STRBP: variants seen among roughly 807,000 people sequenced by gnomAD.
STRBP encodes spermatid perinuclear RNA-binding protein.
Under a neutral mutation model 80.1 loss-of-function variants are expected in STRBP, and 13 were observed. That is an observed-to-expected ratio of 0.16 (90% CI 0.11 to 0.26). STRBP has a LOEUF of 0.26. STRBP is among the 10% of genes least tolerant of loss of function. The probability of loss-of-function intolerance (pLI) is 1.00; values close to 1 mark genes in which losing one functional copy is unlikely to be tolerated. For missense variants in STRBP, 485 were observed against 815.2 expected, an observed-to-expected ratio of 0.59 and a Z score of 4.93; for synonymous variants, 284 against 291.2, an observed-to-expected ratio of 0.98 and a Z score of 0.25.
chr9:123,138,487 A>G (rs139279610), intron 14 of STRBP, among the ~76,000 whole-genome samples: 31 of 152,368 alleles, frequency 2.0e-4, no homozygotes, highest in Admixed American at 1.9e-3. Flanking sequence ...ACTCAAAGTC[A>G]TAACACCTCC....
chr9:123,193,567 C>T (rs1173478614), intron 2 of STRBP, among the ~76,000 whole-genome samples: 2 of 152,106 alleles, frequency 1.3e-5, no homozygotes, highest in Non-Finnish European at 2.9e-5. Context: ...TTTTAATAAC[C>T]GCAGAGATGA....
intron 13 of STRBP, 72 bp downstream of exon 13, chr9:123,146,783 A>G (rs2036832320): frequency 1.6e-6 from 2 of 1,282,440 alleles, no homozygotes; most frequent in South Asian, 1.7e-5. Flanking sequence ...ATGATAATTT[A>G]TTATAGGAAA....
chr9:123,166,880 G>T (rs976386297), intron 6 of STRBP, among the ~76,000 whole-genome samples: 1 of 152,190 alleles, frequency 6.6e-6, no homozygotes, highest in African/African-American at 2.4e-5. Flanking sequence ...TGGGGATATG[G>T]TTATTCTACA....
At chr9:123,226,335 C>A (rs1269338669) in intron 2 of STRBP, among the ~76,000 whole-genome samples, 2 of 151,412 alleles carry the variant, frequency 1.3e-5, no homozygotes, top group South Asian at 2.1e-4. Flanking sequence ...ACCGTATATT[C>A]AAAAAAAATG....
intron 3 of STRBP, 51 bp from the exon 4 acceptor site, chr9:123,179,278 GA>G: frequency 6.8e-7 from 1 of 1,475,546 alleles, no homozygotes. Flanking sequence ...AACATCACCT[GA>G]AAAAGATGAT....
At chr9:123,177,779 C>A (rs1038767126) in intron 4 of STRBP, among the ~76,000 whole-genome samples, 1 of 151,982 alleles carries the variant, frequency 6.6e-6, no homozygotes, top group African/African-American at 2.4e-5. Flanking sequence ...GTAAAAATAG[C>A]AAATCTTATG....
chr9:123,192,624 G>C (rs1019716993), intron 2 of STRBP, among the ~76,000 whole-genome samples: 1 of 152,112 alleles, frequency 6.6e-6, no homozygotes, highest in Non-Finnish European at 1.5e-5. Context: ...ATAGTGCATA[G>C]GAACAGGAAT....
rs112559238 is a variant in STRBP at position 123,140,075 on chromosome 9, G to T, written c.1339-388C>A. Among the ~76,000 whole-genome samples, 1,458 of 152,286 alleles carry T rather than the reference G, an allele frequency of 9.6e-3. 23 individuals are homozygous for T. Among genetic ancestry groups the T allele is most frequent in the African/African-American group, 0.033 (1,369 of 41,548 alleles). On this transcript the variant is annotated intron_variant, in intron 13 of 18. Coordinates refer to ENST00000348403, the MANE Select transcript of STRBP (RefSeq NM_018387.5). ...CTGGTCTAGAAAGGAAAAAATCTGAGAGTCTAATCCTGTATTTCTCCTCTG... is the reference window on the plus strand; with the variant it reads ...CTGGTCTAGAAAGGAAAAAATCTGATAGTCTAATCCTGTATTTCTCCTCTG...
chr9:123,136,283 G>A lies in STRBP; in HGVS notation c.1632+98C>T, dbSNP rs2036350367. On this transcript the variant is annotated intron_variant, in intron 15 of 18. Coordinates refer to ENST00000348403, the MANE Select transcript of STRBP (RefSeq NM_018387.5). This position sits in a 1 kb window ranked among gnomAD's most constrained non-coding sequence, Gnocchi z 4.2. ...CAGAAAACACCAAAAATCAAATAGT[G>A]CCACAAGAACTGACTCAGTCTAAAA... 6.3e-7 allele frequency: 1 copy of A among 1,594,498 alleles called. No homozygotes were observed. Among genetic ancestry groups the A allele is most frequent in the Non-Finnish European group, 8.5e-7 (1 of 1,170,780 alleles).
chr9:123,162,885 T>G (rs925360461), intron 6 of STRBP, among the ~76,000 whole-genome samples: 1 of 152,240 alleles, frequency 6.6e-6, no homozygotes, highest in African/African-American at 2.4e-5. Context: ...TAGCTCACTT[T>G]AATGTTTCTA....
At chr9:123,261,655 CA>C (rs1035771824) in intron 1 of STRBP, among the ~76,000 whole-genome samples, 5 of 152,222 alleles carry the variant, frequency 3.3e-5, no homozygotes, top group African/African-American at 9.6e-5. Flanking sequence ...AAAGCTTCAT[CA>C]CGATGTTTGC....
intron 14 of STRBP, among the ~76,000 whole-genome samples, chr9:123,138,598 A>C (rs1383208586): frequency 6.6e-6 from 1 of 152,204 alleles, no homozygotes; most frequent in Non-Finnish European, 1.5e-5. Context: ...ATGATTGTGT[A>C]AGTTATGTCT....
chr9:123,139,466 T>C, intron 14 of STRBP, 63 bp downstream of exon 14: 7 of 1,300,966 alleles, frequency 5.4e-6, no homozygotes, highest in Non-Finnish European at 7.2e-6. Flanking sequence ...CTTTTCCACA[T>C]CTCTCAAATT....
At position 123,139,716 on chromosome 9, in the gene STRBP, T is replaced by A. The variant is rs41278252; in HGVS notation, c.1339-29A>T. 8,331 of 1,599,950 alleles carry A rather than the reference T, an allele frequency of 5.2e-3. 271 individuals are homozygous for A. In the East Asian group the frequency reaches 0.089, roughly 17 times the overall value. ...TACAAATTACATTAAAATGCAGTTT[T>A]ATTCAGACACGAGAAACCAGAGAAT... On this transcript the variant is annotated intron_variant, in intron 13 of 18. Transcript: ENST00000348403.
At chr9:123,146,744 ATAT>A (rs2036831277) in intron 13 of STRBP, 108 bp downstream of exon 13, 2 of 948,064 alleles carry the variant, frequency 2.1e-6, no homozygotes, top group Middle Eastern at 3.6e-4. Flanking sequence ...TCTATATATA[ATAT>A]TATTGCTATT....
intron 2 of STRBP, among the ~76,000 whole-genome samples, chr9:123,215,655 C>T (rs1003150018): frequency 7.9e-5 from 12 of 151,962 alleles, no homozygotes; most frequent in Admixed American, 2.6e-4. Flanking sequence ...TGTGGTGATG[C>T]GTGCCTATAA....
At chr9:123,138,440 T>G (rs1302838908) in intron 14 of STRBP, among the ~76,000 whole-genome samples, 2 of 152,344 alleles carry the variant, frequency 1.3e-5, no homozygotes, top group Admixed American at 1.3e-4. Context: ...CTGTCCACAC[T>G]GGCCCACTTG....
chr9:123,194,096 G>A (rs1025270184), intron 2 of STRBP, among the ~76,000 whole-genome samples: 4 of 152,130 alleles, frequency 2.6e-5, no homozygotes, highest in African/African-American at 4.8e-5. Flanking sequence ...TAAAATGCAA[G>A]TAGGAGCCTC....
intron 1 of STRBP, among the ~76,000 whole-genome samples, chr9:123,257,822 A>C (rs2041067978): frequency 6.6e-6 from 1 of 151,912 alleles, no homozygotes; most frequent in Non-Finnish European, 1.5e-5. Context: ...GTCTCAAAAA[A>C]ATAATAATAA....
Sources: allele counts gnomAD v4.1 joint callset (sites outside exome capture counted in the v4.1 genomes callset), GRCh38; gene constraint gnomAD v4.1.1; non-coding constraint Gnocchi (gnomAD v3.1); transcripts MANE v1.5; gene names NCBI Gene and HGNC (gene_info 2026-07-23, HGNC 2026-07-21).